Variants in RARB observed in about 807,000 individuals in gnomAD.
RARB encodes HBV-activated protein.
A neutral mutation model predicts 51.9 loss-of-function variants in RARB; 17 were observed. The ratio of observed to expected loss-of-function variants is 0.33; its 90% CI spans 0.22 to 0.49. RARB has a LOEUF of 0.49. Among genes scored for constraint, RARB ranks in the 20% least tolerant of loss-of-function variants. The pLI is 0.99. For missense variants in RARB, 369 were observed against 550.8 expected, an observed-to-expected ratio of 0.67 and a Z score of 3.30; for synonymous variants, 215 against 195.4, an observed-to-expected ratio of 1.10 and a Z score of -0.84.
rs191123183 is a variant in RARB, at chr3:25,183,320, A to G, written c.178+8745A>G. On this transcript the variant is annotated intron_variant, in intron 5 of 11. Coordinates refer to the RARB transcript ENST00000383772. ...CCAATCTGTCTTTATCCTGACAGCT[A>G]CAAGTCCGTGATTATAATTCACAAT... Among the ~76,000 whole-genome samples the G allele has an allele frequency of 2.6e-3, 403 of 152,228 alleles. 2 individuals carry two copies. Among genetic ancestry groups the G allele is most frequent in the Non-Finnish European group, 4.9e-3 (334 of 68,000 alleles).
rs538714168 is a variant in RARB, at chr3:25,035,412, G to C, written c.-379-24713G>C. ...GCTGGAATTACAGTTGTGAGCCGCT[G>C]CGTCCAGCCTTTTTTTTTTTTTTTT... On this transcript the variant is annotated intron_variant, in intron 2 of 11. Transcript: ENST00000383772. Among the ~76,000 whole-genome samples the C allele has an allele frequency of 2.7e-5, 4 of 146,890 alleles. No individual in the cohort carries two copies. In the Admixed American group the frequency reaches 2.7e-4, roughly 10 times the overall value.
chr3:25,251,046 G>A (rs551854087), intron 5 of RARB, among the ~76,000 whole-genome samples: 2 of 152,198 alleles, frequency 1.3e-5, no homozygotes, highest in African/African-American at 4.8e-5. Context: ...AGTGTTCTCT[G>A]TTAGGTGTTC....
chr3:25,041,344 C>T (rs1022404711), intron 2 of RARB, among the ~76,000 whole-genome samples: 7 of 151,612 alleles, frequency 4.6e-5, no homozygotes, highest in African/African-American at 7.3e-5. Flanking sequence ...TCAAGGTTGC[C>T]GTTTAATATT....
chr3:24,890,468 G>A (rs886690523), intron 2 of RARB, among the ~76,000 whole-genome samples: 3 of 152,126 alleles, frequency 2.0e-5, no homozygotes, highest in Non-Finnish European at 4.4e-5. Flanking sequence ...GACTTTGTAG[G>A]TCAGGCATGG....
intron 1 of RARB, among the ~76,000 whole-genome samples, chr3:24,838,605 G>A (rs76795558): frequency 0.036 from 5,555 of 152,274 alleles, 191 homozygotes; most frequent in East Asian, 0.12. Flanking sequence ...AGTAAAGATA[G>A]CCATGGTATT....
chr3:24,893,606 C>T (rs902377546), intron 2 of RARB, among the ~76,000 whole-genome samples: 1 of 152,106 alleles, frequency 6.6e-6, no homozygotes, highest in African/African-American at 2.4e-5. Flanking sequence ...CAACCTCATA[C>T]TCCAGGGCAC....
intron 3 of RARB, among the ~76,000 whole-genome samples, chr3:25,117,276 T>C (rs1288595215): frequency 2.0e-5 from 3 of 152,144 alleles, no homozygotes; most frequent in Non-Finnish European, 2.9e-5. Flanking sequence ...AACAGGAATA[T>C]GTAACCAAAT....
intron 3 of RARB, among the ~76,000 whole-genome samples, chr3:25,096,653 A>C (rs1446400734): frequency 6.6e-6 from 1 of 152,018 alleles, no homozygotes; most frequent in African/African-American, 2.4e-5. Flanking sequence ...AAGAAAGGCA[A>C]GAGAGGGTGG....
At chr3:24,891,700 A>G (rs17195038) in intron 2 of RARB, among the ~76,000 whole-genome samples, 50,832 of 152,048 alleles carry the variant, frequency 0.33, 10,773 homozygotes, top group Non-Finnish European at 0.45. Flanking sequence ...AGGGGACATT[A>G]AAGAACAAGA....
intron 3 of RARB, among the ~76,000 whole-genome samples, chr3:25,067,284 G>C (rs1347343865): frequency 3.3e-5 from 5 of 152,116 alleles, no homozygotes. Flanking sequence ...CAACCTTAAT[G>C]AAATCACGTT....
intron 2 of RARB, among the ~76,000 whole-genome samples, chr3:25,492,337 A>G (rs1019524326): frequency 6.6e-6 from 1 of 152,220 alleles, no homozygotes; most frequent in Admixed American, 6.5e-5. Flanking sequence ...TCTCCTTACT[A>G]TTGGTTTCCA....
chr3:24,946,050 G>A (rs1323531875), intron 2 of RARB, among the ~76,000 whole-genome samples: 2 of 152,212 alleles, frequency 1.3e-5, no homozygotes, highest in East Asian at 3.9e-4. Context: ...CAGATCACGA[G>A]GTCAGGAGAT....
chr3:25,105,293 G>A (rs1045117221), intron 3 of RARB, among the ~76,000 whole-genome samples: 1 of 151,920 alleles, frequency 6.6e-6, no homozygotes, highest in Non-Finnish European at 1.5e-5. Flanking sequence ...AGGCTTCTCT[G>A]AGACCTACTG....
At chr3:25,260,737 C>G (rs572938363) in intron 5 of RARB, among the ~76,000 whole-genome samples, 1 of 152,272 alleles carries the variant, frequency 6.6e-6, no homozygotes, top group Admixed American at 6.5e-5. Context: ...TCTCAATATT[C>G]ATACCACTTA....
At chr3:25,404,038 G>A (rs1289501033) in intron 5 of RARB, among the ~76,000 whole-genome samples, 8 of 151,878 alleles carry the variant, frequency 5.3e-5, no homozygotes, top group Non-Finnish European at 1.2e-4. Flanking sequence ...TTGCTGATAA[G>A]GGAAGAAGAG....
intron 2 of RARB, among the ~76,000 whole-genome samples, chr3:25,484,358 T>G (rs1696367166): frequency 6.6e-6 from 1 of 152,178 alleles, no homozygotes; most frequent in South Asian, 2.1e-4. Context: ...CAATAGTTTC[T>G]GAGACCGTGA....
intron 3 of RARB, among the ~76,000 whole-genome samples, chr3:25,503,804 A>G (rs1279891662): frequency 1.3e-5 from 2 of 152,244 alleles, no homozygotes; most frequent in African/African-American, 2.4e-5. Context: ...CGCAACTGAA[A>G]TGAAACCAAG....
chr3:25,274,282 C>T (rs1379435080), intron 5 of RARB, among the ~76,000 whole-genome samples: 1 of 152,130 alleles, frequency 6.6e-6, no homozygotes. Flanking sequence ...TGTATTTATA[C>T]TAACAACACC....
chr3:25,405,090 T>C (rs1382671630), intron 5 of RARB, among the ~76,000 whole-genome samples: 1 of 152,196 alleles, frequency 6.6e-6, no homozygotes, highest in Non-Finnish European at 1.5e-5. Flanking sequence ...CTCCATGAGA[T>C]GCGATCCCTG....
Sources: allele counts gnomAD v4.1 joint callset (sites outside exome capture counted in the v4.1 genomes callset), GRCh38; gene constraint gnomAD v4.1.1; transcripts MANE v1.5; gene names NCBI Gene and HGNC (gene_info 2026-07-23, HGNC 2026-07-21).